The following BCAS3 variants were observed in gnomAD, a reference collection of about 807,000 sequenced individuals.
BCAS3 encodes the protein BCAS3 microtubule associated cell migration factor, also known as BCAS4/BCAS3 fusion.
Under a neutral mutation model 116.1 loss-of-function variants are expected in BCAS3, and 53 were observed. That is an observed-to-expected ratio of 0.46 (90% CI 0.37 to 0.57). The LOEUF (loss-of-function observed/expected upper bound fraction) is 0.57. Among genes scored for constraint, BCAS3 ranks in the 20% least tolerant of loss-of-function variants. The pLI is 0.00. For synonymous variants in BCAS3, 391 were observed against 408.2 expected (o/e 0.96, Z 0.51); for missense variants, 917 against 1,165.4 (o/e 0.79, Z 3.10).
chr17:60,703,561 C>CA (rs539379540), intron 4 of BCAS3, among the ~76,000 whole-genome samples: 165 of 139,382 alleles, frequency 1.2e-3, no homozygotes, highest in East Asian at 5.6e-3. Flanking sequence ...AACCTTGTCT[C>CA]AAAAAAAAAA....
chr17:61,370,915 C>T (rs1056351295), intron 23 of BCAS3, among the ~76,000 whole-genome samples: 1 of 152,226 alleles, frequency 6.6e-6, no homozygotes, highest in Non-Finnish European at 1.5e-5. Flanking sequence ...GAATTTCCAG[C>T]AAGCCACTCT....
chr17:60,991,391 A>G (rs748795106), intron 15 of BCAS3, among the ~76,000 whole-genome samples: 6 of 152,192 alleles, frequency 3.9e-5, no homozygotes, highest in Non-Finnish European at 5.9e-5. Context: ...GATAATATGT[A>G]TACTAATTTT....
intron 7 of BCAS3, among the ~76,000 whole-genome samples, chr17:60,823,428 G>A (rs2050124623): frequency 6.6e-6 from 1 of 152,098 alleles, no homozygotes; most frequent in Non-Finnish European, 1.5e-5. Flanking sequence ...GGCTGGCAAA[G>A]TGGCTCATGC....
intron 22 of BCAS3, among the ~76,000 whole-genome samples, chr17:61,252,372 C>T (rs535204709): frequency 2.6e-5 from 4 of 152,298 alleles, no homozygotes; most frequent in South Asian, 2.1e-4. Context: ...AAGTGCAAGG[C>T]TTGGCCCTTG....
At chr17:61,175,345 G>A (rs1444771330) in intron 22 of BCAS3, among the ~76,000 whole-genome samples, 1 of 151,742 alleles carries the variant, frequency 6.6e-6, no homozygotes, top group African/African-American at 2.4e-5. Flanking sequence ...GATGCAGTGA[G>A]CTATGATTGT....
chr17:61,251,518 C>T lies in BCAS3; in HGVS notation c.2426-116809C>T, dbSNP rs547444178. On this transcript the variant is annotated intron_variant, in intron 22 of 23. Transcript: ENST00000407086. This position sits in a 1 kb window ranked among gnomAD's most constrained non-coding sequence, Gnocchi z 4.7. ...GCGGGATGCAGAGGTTGCAGTGAGC[C>T]GAGATTGCGCCATTCCACTCCAGCC... 2.6e-5 allele frequency among the ~76,000 whole-genome samples: 4 copies of T among 151,616 alleles called. No individual in the cohort carries two copies. The highest frequency in any genetic ancestry group is 5.9e-5 in the Non-Finnish European group (4 of 67,906).
At chr17:60,854,407 T>C (rs980199121) in intron 7 of BCAS3, among the ~76,000 whole-genome samples, 31 of 152,182 alleles carry the variant, frequency 2.0e-4, no homozygotes, top group African/African-American at 6.8e-4. Flanking sequence ...CCTTTGGGTA[T>C]ATACCCAGTA....
At chr17:60,724,030 C>T (rs926236785) in intron 5 of BCAS3, among the ~76,000 whole-genome samples, 3 of 151,512 alleles carry the variant, frequency 2.0e-5, no homozygotes, top group African/African-American at 7.3e-5. Flanking sequence ...TACTTTTTCA[C>T]TTTCTTAAAA....
At chr17:60,918,002 A>G (rs1395680693) in intron 12 of BCAS3, among the ~76,000 whole-genome samples, 2 of 152,152 alleles carry the variant, frequency 1.3e-5, no homozygotes, top group Admixed American at 1.3e-4. Flanking sequence ...AAATTGCTGG[A>G]TCATATGGTA....
intron 22 of BCAS3, among the ~76,000 whole-genome samples, chr17:61,096,274 A>G (rs1286070076): frequency 6.6e-6 from 1 of 152,222 alleles, no homozygotes; most frequent in Non-Finnish European, 1.5e-5. Context: ...GATGATAACT[A>G]TAGCACGTTT....
intron 13 of BCAS3, among the ~76,000 whole-genome samples, chr17:60,942,177 G>GCACTTT (rs2145226937): frequency 6.6e-6 from 1 of 152,306 alleles, no homozygotes; most frequent in East Asian, 1.9e-4. Flanking sequence ...TGTAACACCA[G>GCACTTT]CACTTTGGGA....
intron 6 of BCAS3, among the ~76,000 whole-genome samples, chr17:60,790,642 C>G (rs554046709): frequency 6.6e-6 from 1 of 151,626 alleles, no homozygotes; most frequent in East Asian, 1.9e-4. Flanking sequence ...ACTACATTAT[C>G]ACAGATTTGT....
intron 9 of BCAS3, among the ~76,000 whole-genome samples, chr17:60,888,610 G>A (rs575303005): frequency 2.0e-5 from 3 of 152,002 alleles, no homozygotes; most frequent in African/African-American, 4.8e-5. Flanking sequence ...AATTTTTAGT[G>A]TGTTTTTGTC....
At chr17:60,828,781 T>C (rs568073760) in intron 7 of BCAS3, among the ~76,000 whole-genome samples, 1 of 152,316 alleles carries the variant, frequency 6.6e-6, no homozygotes, top group African/African-American at 2.4e-5. Flanking sequence ...TTTCAAGACA[T>C]GTTTATGGGT....
At chr17:60,921,730 T>C (rs945852843) in intron 12 of BCAS3, among the ~76,000 whole-genome samples, 2 of 151,712 alleles carry the variant, frequency 1.3e-5, no homozygotes, top group Non-Finnish European at 2.9e-5. Context: ...TGGGTTCCTA[T>C]TGGGTACTAT....
intron 14 of BCAS3, among the ~76,000 whole-genome samples, chr17:60,985,009 C>CAAAAAAAA (rs762586066): frequency 2.0e-5 from 1 of 50,366 alleles, no homozygotes; most frequent in African/African-American, 4.9e-5. Flanking sequence ...GACTCCATCT[C>CAAAAAAAA]AAAAAAAAAA....
rs1220237110 is a variant in BCAS3, at chr17:61,344,107, C to T, written c.2426-24220C>T. On this transcript the variant is annotated intron_variant, in intron 22 of 23. Coordinates refer to ENST00000407086, the MANE Select transcript of BCAS3 (RefSeq NM_017679.5). The surrounding 1 kb of genome is among the most constrained non-coding windows in gnomAD (Gnocchi z 4.1). ...AGGAGCGTGGGACAGGCTAAGGATG[C>T]CGGCTAGCCCCCAATCCCAGAGAGC... Among the ~76,000 whole-genome samples the T allele has an allele frequency of 6.6e-6, 1 of 152,072 alleles. No individual in the cohort carries two copies. The highest frequency in any genetic ancestry group is 2.4e-5 in the African/African-American group (1 of 41,396).
Position 61,363,307 on chromosome 17 carries a change from A to C in BCAS3, c.2426-5020A>C, listed in dbSNP as rs145317484. The stretch of plus-strand genomic sequence containing the variant: ...AAGATAGAGCACCTTTTATGCCGTT[A>C]GAGTTTGAGCAAGAGTAGTCTTTAT... On this transcript the variant is annotated intron_variant, in intron 22 of 23. Transcript: ENST00000407086. The surrounding 1 kb of genome is among the most constrained non-coding windows in gnomAD (Gnocchi z 4.9). 1.7e-3 allele frequency among the ~76,000 whole-genome samples: 266 copies of C among 152,326 alleles called. No homozygotes were observed. The highest frequency in any genetic ancestry group is 6.8e-3 in the Middle Eastern group (2 of 294).
At chr17:61,070,111 C>T (rs765622820) in intron 19 of BCAS3, 6 of 1,573,372 alleles carry the variant, frequency 3.8e-6, no homozygotes, top group Admixed American at 1.7e-5. Flanking sequence ...CAAGTTTCCG[C>T]TGACCACTGA....
Sources: allele counts gnomAD v4.1 joint callset (sites outside exome capture counted in the v4.1 genomes callset), GRCh38; gene constraint gnomAD v4.1.1; non-coding constraint Gnocchi (gnomAD v3.1); transcripts MANE v1.5; gene names NCBI Gene and HGNC (gene_info 2026-07-23, HGNC 2026-07-21).